CDH4: variants seen among roughly 807,000 people sequenced by gnomAD.
CDH4 encodes the protein cadherin 4.
In CDH4, 33 loss-of-function variants were observed where a neutral mutation model predicts 86.0. That is an observed-to-expected ratio of 0.38 (90% CI 0.29 to 0.51). The LOEUF is 0.51. CDH4 is among the 20% of genes least tolerant of loss of function. The pLI, the probability that CDH4 is intolerant of heterozygous loss-of-function variation, is 0.86. For missense variants in CDH4, 1,114 were observed against 1,307.4 expected (o/e 0.85, Z 2.28); for synonymous variants, 555 against 549.4 (o/e 1.01, Z -0.14).
At chr20:61,497,998 A>G (rs2085674359) in intron 2 of CDH4, among the ~76,000 whole-genome samples, 2 of 146,252 alleles carry the variant, frequency 1.4e-5, no homozygotes, top group African/African-American at 5.1e-5. Flanking sequence ...ATAGGTGGGA[A>G]TTAAACAATG....
intron 2 of CDH4, among the ~76,000 whole-genome samples, chr20:61,319,397 A>G (rs1047037208): frequency 6.6e-6 from 1 of 152,232 alleles, no homozygotes; most frequent in South Asian, 2.1e-4. Flanking sequence ...CGCACTGTTA[A>G]GAGTGCATCA....
chr20:61,893,810 GAATAGAGGGAT>G (rs1474661144), intron 7 of CDH4, among the ~76,000 whole-genome samples: 3 of 148,646 alleles, frequency 2.0e-5, no homozygotes, highest in African/African-American at 7.4e-5. Flanking sequence ...ATGGATGGGT[GAATAGAGGGAT>G]GGTGGATGTG....
chr20:61,728,623 A>T (rs1312507718), intron 2 of CDH4, among the ~76,000 whole-genome samples: 2 of 152,168 alleles, frequency 1.3e-5, no homozygotes, highest in Non-Finnish European at 2.9e-5. Flanking sequence ...TGGAAGGAAC[A>T]TGACCTTCCA....
intron 2 of CDH4, among the ~76,000 whole-genome samples, chr20:61,382,352 G>T (rs76710707): frequency 6.6e-6 from 1 of 152,160 alleles, no homozygotes; most frequent in Non-Finnish European, 1.5e-5. Context: ...AGAGCAGAGC[G>T]AGAGAGCCTT....
chr20:61,446,733 C>T (rs1034638804), intron 2 of CDH4, among the ~76,000 whole-genome samples: 3 of 152,232 alleles, frequency 2.0e-5, no homozygotes, highest in South Asian at 2.1e-4. Context: ...AAGCCCAGCC[C>T]GCTTATCCAT....
intron 2 of CDH4, among the ~76,000 whole-genome samples, chr20:61,713,697 G>A (rs1384828895): frequency 1.3e-5 from 2 of 152,226 alleles, no homozygotes; most frequent in African/African-American, 2.4e-5. Flanking sequence ...TGTATCATAT[G>A]AGCCTCCGTT....
chr20:61,796,914 G>A (rs995573664), intron 4 of CDH4, among the ~76,000 whole-genome samples: 4 of 152,194 alleles, frequency 2.6e-5, no homozygotes, highest in South Asian at 2.1e-4. Flanking sequence ...TAACTTTCAC[G>A]CTGCCTTCCT....
chr20:61,683,396 G>C (rs1218883998), intron 2 of CDH4, among the ~76,000 whole-genome samples: 1 of 152,202 alleles, frequency 6.6e-6, no homozygotes, highest in Non-Finnish European at 1.5e-5. Context: ...ACTGTACCCT[G>C]CAGTGAACGG....
At chr20:61,261,595 G>A (rs2084127847) in intron 2 of CDH4, among the ~76,000 whole-genome samples, 1 of 152,142 alleles carries the variant, frequency 6.6e-6, no homozygotes, top group African/African-American at 2.4e-5. Flanking sequence ...TGGCCTAAGG[G>A]TAGGAGATTT....
chr20:61,361,682 T>C (rs2084783754), intron 2 of CDH4, among the ~76,000 whole-genome samples: 1 of 152,096 alleles, frequency 6.6e-6, no homozygotes, highest in South Asian at 2.1e-4. Context: ...CAACCCAAGC[T>C]CAGGGTCTAA....
At chr20:61,659,904 C>T (rs962208196) in intron 2 of CDH4, among the ~76,000 whole-genome samples, 5 of 152,224 alleles carry the variant, frequency 3.3e-5, no homozygotes, top group Non-Finnish European at 7.3e-5. Context: ...CCTTTGGCTT[C>T]CTCAGTCTGT....
At chr20:61,496,359 G>T (rs1454623674) in intron 2 of CDH4, among the ~76,000 whole-genome samples, 1 of 151,418 alleles carries the variant, frequency 6.6e-6, no homozygotes, top group East Asian at 1.9e-4. Flanking sequence ...AGCCGATCAC[G>T]CCACTGCACT....
intron 4 of CDH4, among the ~76,000 whole-genome samples, chr20:61,790,111 A>C (rs979262761): frequency 2.9e-4 from 44 of 151,824 alleles, no homozygotes; most frequent in African/African-American, 1.1e-3. Flanking sequence ...CTACCTACCC[A>C]TCCATTCATC....
intron 7 of CDH4, among the ~76,000 whole-genome samples, chr20:61,881,522 C>T (rs1054395228): frequency 6.6e-6 from 1 of 152,266 alleles, no homozygotes. Context: ...CCAAGACTCC[C>T]GCCTCAGAGC....
intron 6 of CDH4, among the ~76,000 whole-genome samples, chr20:61,858,259 G>A (rs1393709617): frequency 2.0e-5 from 3 of 151,092 alleles, no homozygotes; most frequent in Non-Finnish European, 4.4e-5. Context: ...GTCTGCGTCT[G>A]TGTGTCTGTG....
At chr20:61,277,641 T>C (rs537188869) in intron 2 of CDH4, among the ~76,000 whole-genome samples, 1 of 152,362 alleles carries the variant, frequency 6.6e-6, no homozygotes, top group South Asian at 2.1e-4. Context: ...GTATGTTTTA[T>C]TTTGCACCTG....
At chr20:61,472,394 C>T (rs139625116) in intron 2 of CDH4, among the ~76,000 whole-genome samples, 2 of 152,270 alleles carry the variant, frequency 1.3e-5, no homozygotes, top group African/African-American at 4.8e-5. Context: ...TAAAGACTTA[C>T]TCCTGCCATT....
At chr20:61,511,807 G>T (rs2085782273) in intron 2 of CDH4, among the ~76,000 whole-genome samples, 1 of 152,064 alleles carries the variant, frequency 6.6e-6, no homozygotes, top group Non-Finnish European at 1.5e-5. Flanking sequence ...CCCATATCTT[G>T]GTCCTCAGCA....
rs570187672 is a variant in CDH4, at chr20:61,366,287, G to T, written c.169+111350G>T. Among the ~76,000 whole-genome samples the T allele has an allele frequency of 8.3e-4, 127 of 152,328 alleles. 1 individual carries two copies. The South Asian group carries it at 0.014, about 17-fold the overall frequency. ...GAGGTCATTCTAAGACGAGATTTCTGTCTTGGCTTAGAGTCTGGTCAAGGT... is the reference window on the plus strand; with the variant it reads ...GAGGTCATTCTAAGACGAGATTTCTTTCTTGGCTTAGAGTCTGGTCAAGGT... On this transcript the variant is annotated intron_variant, in intron 2 of 15. Coordinates refer to ENST00000614565, the MANE Select transcript of CDH4 (RefSeq NM_001794.5).
Sources: allele counts gnomAD v4.1 joint callset (sites outside exome capture counted in the v4.1 genomes callset), GRCh38; gene constraint gnomAD v4.1.1; transcripts MANE v1.5; gene names NCBI Gene and HGNC (gene_info 2026-07-23, HGNC 2026-07-21).